Variants in TET2 observed in about 807,000 individuals in gnomAD.
TET2 encodes the protein methylcytosine dioxygenase TET2.
In TET2, 299 loss-of-function variants were observed where a neutral mutation model predicts 142.9. The ratio of observed to expected loss-of-function variants is 2.09; its 90% CI spans 1.90 to 2.30. The LOEUF is 2.30. Among genes scored for constraint, TET2 ranks in the 30% most tolerant of loss-of-function variants. The pLI, the probability that TET2 is intolerant of heterozygous loss-of-function variation, is 0.00. For missense variants in TET2, 2,418 were observed against 2,378.0 expected (o/e 1.02, Z -0.35); for synonymous variants, 819 against 849.0 (o/e 0.96, Z 0.61).
rs374789850 is a variant in TET2 at position 105,235,839 on chromosome 4, A to G, written c.1897A>G (p.Met633Val). 1 of 1,613,920 alleles carries G rather than the reference A, an allele frequency of 6.2e-7. No individual in the cohort carries two copies. Among genetic ancestry groups the G allele is most frequent in the African/African-American group, 1.3e-5 (1 of 74,946 alleles). The change falls in exon 3 of 11, where the codon ATG (methionine) becomes GTG (valine). Residue 633 changes from methionine to valine, a missense_variant. Physicochemically the swap from Met to Val is conservative, Grantham distance 21 (BLOSUM62 1). Coordinates refer to ENST00000380013, the MANE Select transcript of TET2 (RefSeq NM_001127208.3). ...AACACAGCTGGAGCACAAGTCACAA[A>G]TGTACCAAGTTGAAATGAATCAAGG... is the stretch of plus-strand genomic sequence containing the variant. ...KTTQLEHKSQMYQVEMNQGQS... is the reference protein window; with the variant it reads ...KTTQLEHKSQVYQVEMNQGQS...
At chr4:105,209,658 T>G (rs1727044793) in intron 2 of TET2, among the ~76,000 whole-genome samples, 1 of 152,152 alleles carries the variant, frequency 6.6e-6, no homozygotes, top group African/African-American at 2.4e-5. Flanking sequence ...ATACATAATT[T>G]TACTCTTCCT....
chr4:105,165,256 A>T (rs148622192), intron 1 of TET2, among the ~76,000 whole-genome samples: 6,361 of 152,182 alleles, frequency 0.042, 462 homozygotes, highest in African/African-American at 0.14. Context: ...GGCGCCTGTA[A>T]TTCCAGCCAC....
chr4:105,204,228 AAT>A (rs546941547), intron 2 of TET2, among the ~76,000 whole-genome samples: 7,898 of 121,150 alleles, frequency 0.065, 320 homozygotes, highest in Non-Finnish European at 0.093. Flanking sequence ...AAAAAAAAAA[AAT>A]ATATACACAC....
At chr4:105,206,187 C>G (rs1232393631) in intron 2 of TET2, among the ~76,000 whole-genome samples, 1 of 152,192 alleles carries the variant, frequency 6.6e-6, no homozygotes, top group Non-Finnish European at 1.5e-5. Context: ...TGAGTGACGC[C>G]AGGGTCCTGC....
chr4:105,260,745 G>A (rs1201513291), intron 7 of TET2, among the ~76,000 whole-genome samples: 1 of 152,054 alleles, frequency 6.6e-6, no homozygotes, highest in Non-Finnish European at 1.5e-5. Flanking sequence ...TGAAATCACA[G>A]TATAAGTTTT....
chr4:105,199,621 A>C (rs1184927324), intron 2 of TET2, among the ~76,000 whole-genome samples: 1 of 152,090 alleles, frequency 6.6e-6, no homozygotes, highest in African/African-American at 2.4e-5. Context: ...AGTTTGTTGT[A>C]CAGGTTATTT....
chr4:105,257,586 C>T (rs537736956), intron 6 of TET2, among the ~76,000 whole-genome samples: 82 of 152,160 alleles, frequency 5.4e-4, no homozygotes, highest in Non-Finnish European at 9.6e-4. Flanking sequence ...AGCCTTTATT[C>T]CCTGCTTGTG....
chr4:105,266,239 A>C (rs1242129419), intron 8 of TET2, among the ~76,000 whole-genome samples: 1 of 152,164 alleles, frequency 6.6e-6, no homozygotes, highest in Non-Finnish European at 1.5e-5. Flanking sequence ...TTGCCTTGGT[A>C]GTAGAAGTAA....
intron 3 of TET2, chr4:105,240,911 G>A (rs1729260476): frequency 9.3e-7 from 1 of 1,080,958 alleles, no homozygotes; most frequent in Non-Finnish European, 1.1e-6. Context: ...TATTCTGGGG[G>A]TGGGATAGAG....
At chr4:105,209,459 TC>T (rs1727032877) in intron 2 of TET2, among the ~76,000 whole-genome samples, 1 of 151,890 alleles carries the variant, frequency 6.6e-6, no homozygotes. Context: ...GGGGTTGACT[TC>T]TAGACTAGAG....
chr4:105,207,637 G>A (rs1004991890), intron 2 of TET2, among the ~76,000 whole-genome samples: 5 of 152,114 alleles, frequency 3.3e-5, no homozygotes, highest in Non-Finnish European at 7.4e-5. Flanking sequence ...TGTGAAAAGA[G>A]TTTAGCGATT....
chr4:105,174,298 G>T (rs2110427438), intron 1 of TET2, among the ~76,000 whole-genome samples: 1 of 152,226 alleles, frequency 6.6e-6, no homozygotes, highest in Middle Eastern at 3.4e-3. Flanking sequence ...TATGATCACA[G>T]ATTTTCTTGC....
intron 1 of TET2, among the ~76,000 whole-genome samples, chr4:105,188,082 C>T (rs887209376): frequency 6.6e-6 from 1 of 152,152 alleles, no homozygotes; most frequent in African/African-American, 2.4e-5. Flanking sequence ...TTTGTTGCAG[C>T]ATTATTCACA....
intron 6 of TET2, among the ~76,000 whole-genome samples, chr4:105,250,138 T>C (rs1477892735): frequency 1.3e-5 from 2 of 152,194 alleles, no homozygotes; most frequent in Non-Finnish European, 2.9e-5. Context: ...CTCAGCACCA[T>C]TTGTTAAAAG....
In TET2 at chr4:105,234,045, C is replaced by T; in HGVS notation, c.103C>T (p.Gln35Ter). The change falls in exon 3 of 11, where the codon CAG becomes TAG. Residue 35 changes from glutamine (Q) to a stop codon, truncating the protein, a stop_gained. Transcript: ENST00000380013. LOFTEE classifies it high-confidence loss of function. ...GACAGAACCTCTGGCTACAAAGCTC[C>T]AGAATGGAAGCCCACTGCCTGAGAG... ...CQTEPLATKLQNGSPLPERAH... is the reference protein window; with the variant it reads ...CQTEPLATKL 1 of 1,614,066 alleles carries T rather than the reference C, an allele frequency of 6.2e-7. No individual in the cohort carries two copies.
intron 2 of TET2, among the ~76,000 whole-genome samples, chr4:105,219,639 G>A (rs1727697887): frequency 6.6e-6 from 1 of 151,950 alleles, no homozygotes; most frequent in Non-Finnish European, 1.5e-5. Context: ...AGCTTTGTGG[G>A]GTTTTGTTTG....
At chr4:105,155,463 A>T (rs992092797) in intron 1 of TET2, among the ~76,000 whole-genome samples, 1 of 152,348 alleles carries the variant, frequency 6.6e-6, no homozygotes, top group Non-Finnish European at 1.5e-5. Context: ...TCTACAAACC[A>T]CTTACAGGTA....
intron 2 of TET2, among the ~76,000 whole-genome samples, chr4:105,195,356 T>G (rs935818543): frequency 6.6e-6 from 1 of 152,174 alleles, no homozygotes; most frequent in Non-Finnish European, 1.5e-5. Context: ...TTTCTCAAAA[T>G]GTGAAAATAG....
At position 105,190,414 on chromosome 4, in the gene TET2, C is replaced by T; in HGVS notation, c.-138C>T. ...CAAGATTGTTTACTTGCCTTTGCTC[C>T]TGTTGAGTTACAACGCTTGGAAGCA... On this transcript the variant is annotated 5_prime_UTR_variant, in exon 2 of 11. Transcript: ENST00000380013. 2 of 698,886 alleles carry T rather than the reference C, an allele frequency of 2.9e-6. No homozygotes were observed. Among genetic ancestry groups the T allele is most frequent in the East Asian group, 2.7e-5 (1 of 37,260 alleles). The allele number at this position is 698,886 out of a possible 1,614,324, so 43.3% of individuals were successfully genotyped here.
Sources: gnomAD v4.1 joint callset for allele counts (sites outside exome capture counted in the v4.1 genomes callset) on GRCh38, gnomAD v4.1.1 for gene constraint, MANE v1.5 for transcripts, NCBI Gene and HGNC (gene_info 2026-07-23, HGNC 2026-07-21) for gene names.